The following DTNB variants were observed in gnomAD, a reference collection of about 807,000 sequenced individuals.
The protein encoded by DTNB is DTN-B.
Under a neutral mutation model 90.7 loss-of-function variants are expected in DTNB, and 63 were observed. That is an observed-to-expected ratio of 0.69 (90% CI 0.57 to 0.86). The LOEUF (loss-of-function observed/expected upper bound fraction) is 0.86, where lower values mean the gene tolerates loss of function less well. DTNB is among the 40% of genes least tolerant of loss of function. The probability of loss-of-function intolerance (pLI) is 0.00; values close to 1 mark genes in which losing one functional copy is unlikely to be tolerated. For missense variants in DTNB, 744 were observed against 807.1 expected, an observed-to-expected ratio of 0.92 and a Z score of 0.95; for synonymous variants, 277 against 286.7, an observed-to-expected ratio of 0.97 and a Z score of 0.34.
chr2:25,657,952 T>C (rs2082379138), intron 1 of DTNB, among the ~76,000 whole-genome samples: 1 of 152,012 alleles, frequency 6.6e-6, no homozygotes, highest in Non-Finnish European at 1.5e-5. Context: ...AAAAAACAAC[T>C]GACAACATCA....
chr2:25,607,179 T>G (rs1023741710), intron 5 of DTNB, 57 bp downstream of exon 5: 1 of 1,509,618 alleles, frequency 6.6e-7, no homozygotes, highest in African/African-American at 1.4e-5. Context: ...CTGACAATAT[T>G]CATTTAAAAG....
chr2:25,429,780 C>T (rs1394646379), intron 14 of DTNB, among the ~76,000 whole-genome samples: 1 of 152,174 alleles, frequency 6.6e-6, no homozygotes. Context: ...TTCCAATGAC[C>T]TAACAATTAA....
Position 25,387,130 on chromosome 2 carries a change from G to C in DTNB, c.1825+159C>G. On this transcript the variant is annotated intron_variant, in intron 18 of 20. Transcript: ENST00000406818. The surrounding 1 kb of genome is among the most constrained non-coding windows in gnomAD (Gnocchi z 4.5). Reference sequence around the variant, plus strand: ...GATCCTGTGTGACAGAGGCTCTCTGGGTGGAGACATCCAGTGTGTTCCTAG... The same window carrying C: ...GATCCTGTGTGACAGAGGCTCTCTGCGTGGAGACATCCAGTGTGTTCCTAG... 4.8e-6 allele frequency: 3 copies of C among 618,860 alleles called. No individual in the cohort carries two copies. The highest frequency in any genetic ancestry group is 8.4e-6 in the Non-Finnish European group (3 of 355,574). The allele number at this position is 618,860 out of a possible 1,614,324, so 38.3% of individuals were successfully genotyped here.
At position 25,521,735 on chromosome 2, in the gene DTNB, A is replaced by T. The variant is rs936030258; in HGVS notation, c.1001+9738T>A. 5.9e-5 allele frequency among the ~76,000 whole-genome samples: 9 copies of T among 152,342 alleles called. 1 individual carries two copies. The Middle Eastern group carries it at 0.01, about 173-fold the overall frequency. On this transcript the variant is annotated intron_variant, in intron 9 of 20. Transcript: ENST00000406818. ...CTGACGTGATTTTCATGTAAGTTTC[A>T]CTTTACAAAATATTCTTATTTCTCT...
chr2:25,417,358 C>T (rs534432335), intron 16 of DTNB, among the ~76,000 whole-genome samples: 1 of 152,318 alleles, frequency 6.6e-6, no homozygotes, highest in East Asian at 1.9e-4. Context: ...GTTATTTAAT[C>T]CCCTGTCTGC....
chr2:25,552,528 C>CA (rs1355431610), intron 8 of DTNB, among the ~76,000 whole-genome samples: 18 of 152,196 alleles, frequency 1.2e-4, no homozygotes, highest in Non-Finnish European at 1.5e-5. Flanking sequence ...TACTTCCAAG[C>CA]AAGAACACTG....
intron 9 of DTNB, among the ~76,000 whole-genome samples, chr2:25,493,389 C>T (rs975222775): frequency 9.2e-5 from 14 of 152,088 alleles, no homozygotes; most frequent in African/African-American, 3.1e-4. Context: ...AGACCTTTTT[C>T]TTCTTTTAAA....
intron 4 of DTNB, among the ~76,000 whole-genome samples, chr2:25,624,626 A>T (rs914622107): frequency 6.6e-6 from 1 of 152,226 alleles, no homozygotes; most frequent in Non-Finnish European, 1.5e-5. Flanking sequence ...TTACAGCTAA[A>T]GACACTGGAC....
At chr2:25,384,043 A>T (rs868013784) in intron 18 of DTNB, among the ~76,000 whole-genome samples, 154 bp from the exon 19 acceptor site, 1 of 152,246 alleles carries the variant, frequency 6.6e-6, no homozygotes, top group Non-Finnish European at 1.5e-5. Flanking sequence ...ACCAGTCTGC[A>T]CTTGTGCGGC....
intron 12 of DTNB, among the ~76,000 whole-genome samples, chr2:25,438,017 C>A (rs555157035): frequency 6.6e-6 from 1 of 152,160 alleles, no homozygotes; most frequent in Middle Eastern, 3.2e-3. Flanking sequence ...GATGAAAGGG[C>A]TCTCAGAGAC....
chr2:25,587,869 GCACTTATAAGAT>G (rs1654486432), intron 6 of DTNB, among the ~76,000 whole-genome samples: 1 of 152,034 alleles, frequency 6.6e-6, no homozygotes, highest in African/African-American at 2.4e-5. Context: ...CATCTAAGAT[GCACTTATAAGAT>G]CACTTGTAAG....
At position 25,580,810 on chromosome 2, in the gene DTNB, T is replaced by C. The variant is rs1165558560; in HGVS notation, c.620A>G (p.Asn207Ser). The stretch of plus-strand genomic sequence containing the variant: ...AGCCATCATTGTGTCTAAAAACATA[T>C]TTAGCATTATCTTTCTCTGTAAAGA... ...CFPQQRKIML[N>S]MFLDTMMADP... The change falls in exon 7 of 21, where the codon AAT (asparagine) becomes AGT (serine). Residue 207 changes from asparagine (N) to serine (S), a missense_variant. Asn to Ser is a conservative substitution (Grantham distance 46, BLOSUM62 1). Transcript: ENST00000406818. 6.2e-7 allele frequency: 1 copy of C among 1,612,808 alleles called. No individual in the cohort carries two copies. Among genetic ancestry groups the C allele is most frequent in the Admixed American group, 1.7e-5 (1 of 59,966 alleles).
chr2:25,651,315 T>C (rs1238074681), intron 2 of DTNB, among the ~76,000 whole-genome samples: 2 of 152,240 alleles, frequency 1.3e-5, no homozygotes, highest in Non-Finnish European at 2.9e-5. Context: ...TGCCTAAGGT[T>C]ATTCAGTCAG....
chr2:25,531,688 A>C, intron 8 of DTNB, 91 bp from the exon 9 acceptor site: 1 of 1,483,702 alleles, frequency 6.7e-7, no homozygotes. Flanking sequence ...CAAGAGTGTA[A>C]AAACATCTTT....
At chr2:25,632,653 C>T (rs2076025737) in intron 3 of DTNB, among the ~76,000 whole-genome samples, 1 of 152,188 alleles carries the variant, frequency 6.6e-6, no homozygotes, top group African/African-American at 2.4e-5. Flanking sequence ...GTGTGCATGG[C>T]CTCCAGACTC....
At chr2:25,505,456 T>G (rs2072150811) in intron 9 of DTNB, among the ~76,000 whole-genome samples, 1 of 152,180 alleles carries the variant, frequency 6.6e-6, no homozygotes, top group Admixed American at 6.5e-5. Flanking sequence ...ATTTTTCATT[T>G]TGAAGGTGGT....
intron 10 of DTNB, among the ~76,000 whole-genome samples, chr2:25,469,000 T>C (rs768649785): frequency 6.6e-6 from 1 of 152,068 alleles, no homozygotes; most frequent in Non-Finnish European, 1.5e-5. Flanking sequence ...CGAGTATCTA[T>C]GTGCCAGATC....
At chr2:25,438,555 C>T (rs148075585) in intron 12 of DTNB, among the ~76,000 whole-genome samples, 5 of 152,208 alleles carry the variant, frequency 3.3e-5, no homozygotes, top group Non-Finnish European at 7.3e-5. Context: ...GTGTTAAAAA[C>T]ACTGTTCTAC....
At chr2:25,396,306 T>C (rs1367118773) in intron 16 of DTNB, among the ~76,000 whole-genome samples, 5 of 151,938 alleles carry the variant, frequency 3.3e-5, no homozygotes, top group Non-Finnish European at 7.4e-5. Context: ...AGGACAGGAG[T>C]TCGAGACCAG....
Sources: gnomAD v4.1 joint callset for allele counts (sites outside exome capture counted in the v4.1 genomes callset) on GRCh38, gnomAD v4.1.1 for gene constraint, Gnocchi (gnomAD v3.1) non-coding constraint, MANE v1.5 for transcripts, NCBI Gene and HGNC (gene_info 2026-07-23, HGNC 2026-07-21) for gene names.